Variants in SLC22A3 observed in about 807,000 individuals in gnomAD.
SLC22A3 encodes the protein solute carrier family 22 member 3.
A neutral mutation model predicts 59.1 loss-of-function variants in SLC22A3; 51 were observed. That is an observed-to-expected ratio of 0.86 (90% CI 0.69 to 1.09). The LOEUF (loss-of-function observed/expected upper bound fraction) is 1.09. Ranked by LOEUF, SLC22A3 falls within the 50% of genes least tolerant of loss-of-function variation. SLC22A3 has a pLI of 0.00. For missense variants in SLC22A3, 711 were observed against 726.3 expected (o/e 0.98, Z 0.24); for synonymous variants, 325 against 292.0 (o/e 1.11, Z -1.15).
chr6:160,431,568 T>A (rs1479592046), intron 5 of SLC22A3, among the ~76,000 whole-genome samples: 3 of 149,022 alleles, frequency 2.0e-5, no homozygotes, highest in Non-Finnish European at 3.0e-5. Flanking sequence ...ACACCTCGTA[T>A]TTTTTTTTTG....
At chr6:160,405,312 C>T (rs752528475) in intron 2 of SLC22A3, among the ~76,000 whole-genome samples, 24 of 152,010 alleles carry the variant, frequency 1.6e-4, no homozygotes, top group Non-Finnish European at 2.6e-4. Context: ...TGATGCTCTA[C>T]GTCATATATC....
chr6:160,436,801 G>A lies in SLC22A3; in HGVS notation c.997G>A (p.Val333Ile). ...YSEITVTDEE[V>I]SNPSFLDLVR... ...ATAGATCACTGTTACAGATGAGGAA[G>A]TTAGTAATCCATCCTTTTTAGATCT... The change falls in exon 6 of 11, where the codon GTT (valine) becomes ATT (isoleucine). Residue 333 changes from valine to isoleucine, a missense_variant. Coordinates refer to ENST00000275300, the MANE Select transcript of SLC22A3 (RefSeq NM_021977.4). The A allele has an allele frequency of 6.2e-7, 1 of 1,612,324 alleles. No individual in the cohort carries two copies. Among genetic ancestry groups the A allele is most frequent in the Non-Finnish European group, 8.5e-7 (1 of 1,178,570 alleles).
intron 1 of SLC22A3, among the ~76,000 whole-genome samples, chr6:160,385,758 C>T (rs1785982494): frequency 6.6e-6 from 1 of 152,222 alleles, no homozygotes; most frequent in Non-Finnish European, 1.5e-5. Context: ...CGCAGGCTCT[C>T]TTGCCTGGGA....
At chr6:160,381,263 G>A (rs1408557633) in intron 1 of SLC22A3, among the ~76,000 whole-genome samples, 2 of 152,154 alleles carry the variant, frequency 1.3e-5, no homozygotes, top group East Asian at 3.8e-4. Flanking sequence ...GTGCCTGAAG[G>A]TCTTTTATCT....
chr6:160,427,197 C>T (rs1445566398), intron 5 of SLC22A3, among the ~76,000 whole-genome samples: 2 of 152,094 alleles, frequency 1.3e-5, no homozygotes, highest in South Asian at 2.1e-4. Flanking sequence ...ACGCAGAGAC[C>T]CCACTGCCGA....
At chr6:160,378,284 T>A (rs1043188509) in intron 1 of SLC22A3, among the ~76,000 whole-genome samples, 8 of 152,230 alleles carry the variant, frequency 5.3e-5, no homozygotes, top group Non-Finnish European at 7.3e-5. Context: ...ATATTTAAAT[T>A]CTGTAGGCTA....
At chr6:160,398,891 T>C (rs1007280975) in intron 2 of SLC22A3, among the ~76,000 whole-genome samples, 5 of 151,978 alleles carry the variant, frequency 3.3e-5, no homozygotes, top group South Asian at 4.1e-4. Flanking sequence ...CATGGCCATA[T>C]CTGGCCTAAT....
chr6:160,420,786 G>T (rs942432324), intron 5 of SLC22A3, among the ~76,000 whole-genome samples: 1 of 152,186 alleles, frequency 6.6e-6, no homozygotes, highest in East Asian at 1.9e-4. Context: ...ACTTGCAGGC[G>T]TCACAAGTCC....
intron 1 of SLC22A3, among the ~76,000 whole-genome samples, chr6:160,389,618 G>A (rs545948490): frequency 1.2e-4 from 18 of 152,230 alleles, no homozygotes; most frequent in Admixed American, 2.0e-4. Context: ...GGTAGAGCAG[G>A]TCAGAGATTG....
intron 1 of SLC22A3, among the ~76,000 whole-genome samples, chr6:160,351,174 G>A (rs546793519): frequency 6.6e-6 from 1 of 152,322 alleles, no homozygotes; most frequent in East Asian, 1.9e-4. Context: ...GGTGTGCAGT[G>A]GCGTGATCTC....
chr6:160,361,242 G>A (rs990789608), intron 1 of SLC22A3, among the ~76,000 whole-genome samples: 1 of 152,162 alleles, frequency 6.6e-6, no homozygotes, highest in African/African-American at 2.4e-5. Flanking sequence ...ATGTACAAAG[G>A]TGGACTCAGG....
At chr6:160,411,434 A>G (rs76522523) in intron 5 of SLC22A3, among the ~76,000 whole-genome samples, 6,378 of 152,138 alleles carry the variant, frequency 0.042, 401 homozygotes, top group African/African-American at 0.14. Flanking sequence ...CCTCTGCATC[A>G]GTGTACCAAG....
intron 2 of SLC22A3, among the ~76,000 whole-genome samples, chr6:160,406,571 G>C (rs1027619565): frequency 2.6e-5 from 4 of 152,162 alleles, no homozygotes; most frequent in Non-Finnish European, 5.9e-5. Flanking sequence ...TCTAGAAAAA[G>C]GTGGGAATAA....
In SLC22A3 at chr6:160,426,026, AC is replaced by A. The variant is rs1787937705; in HGVS notation, c.976-10753del. 4 of 985,358 alleles carry A rather than the reference AC, an allele frequency of 4.1e-6. No individual in the cohort carries two copies. The African/African-American group carries it at 7.0e-5, about 17-fold the overall frequency. 61.0% of individuals were successfully genotyped at this position (985,358 alleles called of 1,614,324 possible). On this transcript the variant is annotated intron_variant, in intron 5 of 10. Transcript: ENST00000275300. ...AGCCGCACAAAGGACGTACCAGTGA[AC>A]AATGAGTTACCATGTGCAGAAAATA...
intron 5 of SLC22A3, chr6:160,426,383 A>G (rs758566057): frequency 3.1e-5 from 30 of 980,858 alleles, no homozygotes; most frequent in African/African-American, 3.5e-5. Flanking sequence ...GACTCTGTGC[A>G]TGGCTCAGGC....
At chr6:160,381,929 G>A (rs551187328) in intron 1 of SLC22A3, among the ~76,000 whole-genome samples, 23 of 152,214 alleles carry the variant, frequency 1.5e-4, no homozygotes, top group African/African-American at 4.6e-4. Flanking sequence ...AATTCTAAAG[G>A]ACATATGTAT....
intron 1 of SLC22A3, among the ~76,000 whole-genome samples, chr6:160,376,639 T>C (rs1785606307): frequency 6.6e-6 from 1 of 152,210 alleles, no homozygotes; most frequent in Non-Finnish European, 1.5e-5. Flanking sequence ...ATGTGTAGAA[T>C]AAAAATTGCT....
intron 1 of SLC22A3, among the ~76,000 whole-genome samples, chr6:160,363,532 C>T (rs922731722): frequency 2.0e-5 from 3 of 152,158 alleles, no homozygotes; most frequent in African/African-American, 7.2e-5. Context: ...CTGCAGCTGG[C>T]TCTGAACGCT....
intron 10 of SLC22A3, among the ~76,000 whole-genome samples, chr6:160,449,194 A>G (rs1788858006): frequency 6.6e-6 from 1 of 152,164 alleles, no homozygotes; most frequent in South Asian, 2.1e-4. Context: ...ATTAAAAATA[A>G]ACAGCTAGGA....
Sources: allele counts gnomAD v4.1 joint callset (sites outside exome capture counted in the v4.1 genomes callset), GRCh38; gene constraint gnomAD v4.1.1; transcripts MANE v1.5; gene names NCBI Gene and HGNC (gene_info 2026-07-23, HGNC 2026-07-21).